Variants in MAPRE3 observed in about 807,000 individuals in gnomAD.
The protein encoded by MAPRE3 is microtubule-associated protein RP/EB family member 3.
Under a neutral mutation model 30.5 loss-of-function variants are expected in MAPRE3, and 2 were observed. The observed-to-expected ratio is 0.07, with a 90% CI of 0.03 to 0.21. The LOEUF (loss-of-function observed/expected upper bound fraction) is 0.21, where lower values mean the gene tolerates loss of function less well. Ranked by LOEUF, MAPRE3 falls within the 10% of genes least tolerant of loss-of-function variation. MAPRE3 has a pLI of 1.00. For synonymous variants in MAPRE3, 110 were observed against 127.7 expected (o/e 0.86, Z 0.93); for missense variants, 204 against 351.8 (o/e 0.58, Z 3.36).
chr2:27,026,020 C>T lies in MAPRE3; in HGVS notation c.765C>T (p.Leu255=). 6.2e-7 allele frequency: 1 copy of T among 1,614,218 alleles called. No homozygotes were observed. Among genetic ancestry groups the T allele is most frequent in the Non-Finnish European group, 8.5e-7 (1 of 1,180,032 alleles). The change falls in exon 6 of 7, where the codon CTC becomes CTT. Residue 255 remains leucine, a synonymous_variant. Coordinates refer to ENST00000233121, the MANE Select transcript of MAPRE3 (RefSeq NM_012326.4). Reference sequence around the variant, plus strand: ...TTATCTCAGGCATCATTGGCATCCTCTATGCCACAGAGGTGAGCACTCCCA... The same window carrying T: ...TTATCTCAGGCATCATTGGCATCCTTTATGCCACAGAGGTGAGCACTCCCA... ...SPVISGIIGI[L]YATEEGFAPP...
chr2:26,987,258 T>C (rs1485694577), intron 1 of MAPRE3, among the ~76,000 whole-genome samples: 1 of 152,240 alleles, frequency 6.6e-6, no homozygotes, highest in Admixed American at 6.5e-5. Flanking sequence ...AAAGACATGC[T>C]GAGTTCAAAG....
At position 26,985,737 on chromosome 2, in the gene MAPRE3, TGA is replaced by T. The variant is rs983176129; in HGVS notation, c.-8+14943_-8+14944del. ...TAAGTGTTAATTAAGTTAAGGATCT[TGA>T]GAGAGAGGTTTATCCTGGATTATCT... is the stretch of plus-strand genomic sequence containing the variant. On this transcript the variant is annotated intron_variant, in intron 1 of 6. Coordinates refer to ENST00000233121, the MANE Select transcript of MAPRE3 (RefSeq NM_012326.4). The surrounding 1 kb of genome is among the most constrained non-coding windows in gnomAD (Gnocchi z 4.2). 6.6e-6 allele frequency among the ~76,000 whole-genome samples: 1 copy of T among 152,144 alleles called. No individual in the cohort carries two copies. The highest frequency in any genetic ancestry group is 6.5e-5 in the Admixed American group (1 of 15,284).
At chr2:26,992,725 C>T (rs1222892864) in intron 1 of MAPRE3, among the ~76,000 whole-genome samples, 1 of 152,120 alleles carries the variant, frequency 6.6e-6, no homozygotes, top group Non-Finnish European at 1.5e-5. Context: ...CACCCCACTG[C>T]AATCATGAAA....
chr2:26,978,067 G>GC lies in MAPRE3; in HGVS notation c.-8+7266dup, dbSNP rs200206676. 8.5e-3 allele frequency among the ~76,000 whole-genome samples: 1,298 copies of GC among 152,316 alleles called. 18 individuals carry two copies. Among genetic ancestry groups the GC allele is most frequent in the African/African-American group, 0.03 (1,261 of 41,564 alleles). On this transcript the variant is annotated intron_variant, in intron 1 of 6. Transcript: ENST00000233121. ...AGATGGGGTGGAGGCCTTCCCTGCTGCTGGAATTATTAGTGAGCAAGTCTT... is the reference window on the plus strand; with the variant it reads ...AGATGGGGTGGAGGCCTTCCCTGCTGCCTGGAATTATTAGTGAGCAAGTCTT...
At position 27,024,309 on chromosome 2, in the gene MAPRE3, G is replaced by A. The variant is rs1487510989; in HGVS notation, c.469+12G>A. ...CATTGGCACAGCAGGTAACGTGCCC[G>A]AGCCGGGGGAGGGAGCGTGGGGGGC... On this transcript the variant is annotated intron_variant, in intron 4 of 6. Coordinates refer to ENST00000233121, the MANE Select transcript of MAPRE3 (RefSeq NM_012326.4). 12 of 1,610,444 alleles carry A rather than the reference G, an allele frequency of 7.5e-6. No homozygotes were observed. The highest frequency in any genetic ancestry group is 2.7e-5 in the African/African-American group (2 of 74,844).
intron 1 of MAPRE3, among the ~76,000 whole-genome samples, chr2:27,009,377 CA>C (rs1398206417): frequency 4.6e-5 from 7 of 152,084 alleles, no homozygotes; most frequent in Admixed American, 4.6e-4. Context: ...TTTCAAAGTA[CA>C]AAAGTTTACA....
At chr2:27,023,759 C>G in intron 3 of MAPRE3, 1 of 512,096 alleles carries the variant, frequency 2.0e-6, no homozygotes, top group Non-Finnish European at 3.6e-6. Context: ...AGTTCCACCT[C>G]TCTCTGTCTC....
At chr2:26,993,181 C>T (rs1407018487) in intron 1 of MAPRE3, among the ~76,000 whole-genome samples, 1 of 152,026 alleles carries the variant, frequency 6.6e-6, no homozygotes, top group African/African-American at 2.4e-5. Context: ...CTAGCCTGGC[C>T]AACATGATGA....
chr2:27,026,064 C>T (rs762793397), intron 6 of MAPRE3, 32 bp downstream of exon 6: 7 of 1,613,086 alleles, frequency 4.3e-6, no homozygotes, highest in Non-Finnish European at 5.9e-6. Flanking sequence ...GGGCCCTCCC[C>T]AGTCTGGCCT....
Position 26,986,124 on chromosome 2 carries a change from T to C in MAPRE3, c.-8+15322T>C, listed in dbSNP as rs945367600. ...GAGCCTCCAGGAGAAAATCCGCGTCTTTGCCTCCTCCATCCTCTAAAGGCT... is the reference window on the plus strand; with the variant it reads ...GAGCCTCCAGGAGAAAATCCGCGTCCTTGCCTCCTCCATCCTCTAAAGGCT... On this transcript the variant is annotated intron_variant, in intron 1 of 6. Transcript: ENST00000233121. The surrounding 1 kb of genome is among the most constrained non-coding windows in gnomAD (Gnocchi z 4.2). Among the ~76,000 whole-genome samples, 2 of 152,200 alleles carry C rather than the reference T, an allele frequency of 1.3e-5. No homozygotes were observed. The highest frequency in any genetic ancestry group is 4.8e-5 in the African/African-American group (2 of 41,448).
At chr2:26,978,775 C>G (rs1170323339) in intron 1 of MAPRE3, among the ~76,000 whole-genome samples, 1 of 152,216 alleles carries the variant, frequency 6.6e-6, no homozygotes, top group Admixed American at 6.5e-5. Flanking sequence ...AGCCCTTTCT[C>G]TGTTTTGTAT....
chr2:27,023,427 C>T lies in MAPRE3; in HGVS notation c.217C>T (p.His73Tyr), dbSNP rs762060504. 2.8e-5 allele frequency: 45 copies of T among 1,614,068 alleles called. No individual in the cohort carries two copies. The highest frequency in any genetic ancestry group is 3.6e-5 in the Non-Finnish European group (43 of 1,180,034). Residue 73 changes from histidine to tyrosine, a missense_variant, in exon 3 of 7, where the codon CAC becomes TAC. Coordinates refer to ENST00000233121, the MANE Select transcript of MAPRE3 (RefSeq NM_012326.4). ...GGCCAAACTAGAGCACGAATACATCCACAACTTCAAGGTGCTGCAAGCAGC... is the reference window on the plus strand; with the variant it reads ...GGCCAAACTAGAGCACGAATACATCTACAACTTCAAGGTGCTGCAAGCAGC... ...FQAKLEHEYI[H>Y]NFKVLQAAFK...
chr2:27,010,121 C>A (rs1415105142), intron 1 of MAPRE3, among the ~76,000 whole-genome samples: 2 of 152,288 alleles, frequency 1.3e-5, no homozygotes, highest in Non-Finnish European at 2.9e-5. Flanking sequence ...ATTCTTCCTG[C>A]CTTAATACAG....
At chr2:26,975,067 T>C (rs1665990095) in intron 1 of MAPRE3, among the ~76,000 whole-genome samples, 1 of 152,216 alleles carries the variant, frequency 6.6e-6, no homozygotes, top group Non-Finnish European at 1.5e-5. Context: ...CTTTGCTCCA[T>C]GTATTCAGCC....
chr2:27,025,511 C>A, intron 4 of MAPRE3, 72 bp from the exon 5 acceptor site: 1 of 1,474,352 alleles, frequency 6.8e-7, no homozygotes, highest in Non-Finnish European at 9.1e-7. Context: ...CCGCAGTCCT[C>A]ACACCAGGCT....
intron 4 of MAPRE3, among the ~76,000 whole-genome samples, chr2:27,024,952 C>G (rs540758843): frequency 1.6e-4 from 24 of 152,162 alleles, no homozygotes; most frequent in Non-Finnish European, 3.4e-4. Context: ...GGGCCTGCCC[C>G]ACTCGCCCGC....
chr2:26,994,093 T>C (rs950608381), intron 1 of MAPRE3, among the ~76,000 whole-genome samples: 7 of 152,212 alleles, frequency 4.6e-5, no homozygotes, highest in Non-Finnish European at 7.3e-5. Flanking sequence ...AATCTGGCTG[T>C]CTTGACTGTT....
chr2:27,015,213 C>G lies in MAPRE3; in HGVS notation c.-7-6999C>G, dbSNP rs1195241955. Among the ~76,000 whole-genome samples, 1 of 152,270 alleles carries G rather than the reference C, an allele frequency of 6.6e-6. No individual in the cohort carries two copies. The highest frequency in any genetic ancestry group is 1.9e-4 in the East Asian group (1 of 5,208). ...ACAAATGCCCTTAGATTCTCACTGT[C>G]TGTCCCCGCGATGCTGACAGCACTT... On this transcript the variant is annotated intron_variant, in intron 1 of 6. Coordinates refer to ENST00000233121, the MANE Select transcript of MAPRE3 (RefSeq NM_012326.4). This position sits in a 1 kb window ranked among gnomAD's most constrained non-coding sequence, Gnocchi z 4.0.
intron 1 of MAPRE3, among the ~76,000 whole-genome samples, chr2:26,975,613 G>A (rs1023384030): frequency 6.7e-6 from 1 of 150,280 alleles, no homozygotes; most frequent in African/African-American, 2.5e-5. Context: ...TTGGGTGTGG[G>A]GAAGGGAAAA....
Sources: allele counts gnomAD v4.1 joint callset (sites outside exome capture counted in the v4.1 genomes callset), GRCh38; gene constraint gnomAD v4.1.1; non-coding constraint Gnocchi (gnomAD v3.1); transcripts MANE v1.5; gene names NCBI Gene and HGNC (gene_info 2026-07-23, HGNC 2026-07-21).